Variants in KANSL1 observed in about 807,000 individuals in gnomAD.
KANSL1 encodes KAT8 regulatory NSL complex subunit 1.
KANSL1 carries 22 observed loss-of-function variants against 103.6 expected under a neutral mutation model. The ratio of observed to expected loss-of-function variants is 0.21; its 90% CI spans 0.15 to 0.30. The LOEUF is 0.30. Among genes scored for constraint, KANSL1 ranks in the 10% least tolerant of loss-of-function variants. The pLI is 1.00. For missense variants in KANSL1, 1,337 were observed against 1,399.8 expected (o/e 0.96, Z 0.72); for synonymous variants, 600 against 527.6 (o/e 1.14, Z -1.88).
intron 2 of KANSL1, among the ~76,000 whole-genome samples, chr17:46,112,254 G>A (rs1302125941): frequency 1.3e-5 from 2 of 150,178 alleles, no homozygotes; most frequent in South Asian, 2.1e-4. Flanking sequence ...TGTAGTCCTA[G>A]CTACTCAGGA....
chr17:46,109,268 T>C (rs1172430935), intron 2 of KANSL1, among the ~76,000 whole-genome samples: 1 of 152,118 alleles, frequency 6.6e-6, no homozygotes, highest in Non-Finnish European at 1.5e-5. Context: ...CATACACAAC[T>C]TGAATGGAAA....
intron 6 of KANSL1, among the ~76,000 whole-genome samples, chr17:46,059,058 A>AAAAG (rs201209467): frequency 1.3e-5 from 2 of 148,682 alleles, no homozygotes; most frequent in Non-Finnish European, 3.0e-5. Flanking sequence ...GAAAAAAAAA[A>AAAAG]AAAGAAAGAA....
At chr17:46,065,201 G>A (rs1227390596) in intron 6 of KANSL1, among the ~76,000 whole-genome samples, 2 of 151,044 alleles carry the variant, frequency 1.3e-5, no homozygotes, top group African/African-American at 4.9e-5. Flanking sequence ...ACTCCTGAAC[G>A]CAAGTGATCC....
At chr17:46,185,795 G>T (rs530078511) in intron 1 of KANSL1, among the ~76,000 whole-genome samples, 1 of 152,056 alleles carries the variant, frequency 6.6e-6, no homozygotes, top group East Asian at 1.9e-4. Context: ...GTCAAGGTGG[G>T]AGGACTGCTT....
At chr17:46,087,496 G>A (rs539096314) in intron 3 of KANSL1, among the ~76,000 whole-genome samples, 2 of 152,274 alleles carry the variant, frequency 1.3e-5, no homozygotes, top group African/African-American at 4.8e-5. Context: ...AAGGTAGTGT[G>A]AAAACACAGT....
intron 1 of KANSL1, among the ~76,000 whole-genome samples, chr17:46,175,014 T>G (rs1383431296): frequency 6.6e-6 from 1 of 152,226 alleles, no homozygotes; most frequent in East Asian, 1.9e-4. Context: ...AACAATTTAT[T>G]TGCTGTTCTC....
chr17:46,195,822 G>A (rs905721124), upstream of KANSL1, among the ~76,000 whole-genome samples: 1 of 152,238 alleles, frequency 6.6e-6, no homozygotes, highest in Non-Finnish European at 1.5e-5. Context: ...ACAGGCATGA[G>A]CCACCACACA....
chr17:46,060,080 C>T (rs2078105074), intron 6 of KANSL1, among the ~76,000 whole-genome samples: 2 of 152,158 alleles, frequency 1.3e-5, no homozygotes, highest in African/African-American at 2.4e-5. Flanking sequence ...TACTGCAATG[C>T]TATCAATTCT....
At chr17:46,135,459 C>T (rs1456728939) in intron 2 of KANSL1, among the ~76,000 whole-genome samples, 1 of 152,070 alleles carries the variant, frequency 6.6e-6, no homozygotes, top group African/African-American at 2.4e-5. Context: ...AACCAAGGAT[C>T]CACAGGTTTG....
At chr17:46,111,571 G>C (rs2042807429) in intron 2 of KANSL1, among the ~76,000 whole-genome samples, 1 of 152,166 alleles carries the variant, frequency 6.6e-6, no homozygotes, top group Admixed American at 6.5e-5. Context: ...TATACAACAA[G>C]TATAATCAAT....
chr17:46,085,604 C>T (rs2079135370), intron 3 of KANSL1, among the ~76,000 whole-genome samples: 2 of 152,226 alleles, frequency 1.3e-5, no homozygotes, highest in African/African-American at 4.8e-5. Context: ...ATCCTCCCAC[C>T]TCAACCCCAT....
At chr17:46,081,820 TAAATC>T (rs1296780206) in intron 4 of KANSL1, among the ~76,000 whole-genome samples, 1 of 152,186 alleles carries the variant, frequency 6.6e-6, no homozygotes, top group East Asian at 1.9e-4. Context: ...TATGGAGACT[TAAATC>T]AAGAAATATG....
intron 2 of KANSL1, among the ~76,000 whole-genome samples, chr17:46,102,834 A>G (rs1383499026): frequency 6.6e-6 from 1 of 152,250 alleles, no homozygotes; most frequent in African/African-American, 2.4e-5. Context: ...TTAATGGGGC[A>G]GATAGATGTT....
At chr17:46,159,809 T>C (rs1199958474) in intron 2 of KANSL1, among the ~76,000 whole-genome samples, 3 of 151,744 alleles carry the variant, frequency 2.0e-5, no homozygotes, top group Non-Finnish European at 4.4e-5. Context: ...AATTTAGCCA[T>C]TTGATGGGGA....
chr17:46,171,961 T>C lies in KANSL1; in HGVS notation c.183A>G (p.Leu61=). 6.2e-7 allele frequency: 1 copy of C among 1,614,280 alleles called. No individual in the cohort carries two copies. Among genetic ancestry groups the C allele is most frequent in the Non-Finnish European group, 8.5e-7 (1 of 1,180,048 alleles). ...CCTTGGTAGGATTATTTCGGAAATC[T>C]AGGCTGGGATCCTCTGCAGCAATGG... The part of the protein sequence containing the change: ...RKAIAAEDPS[L]DFRNNPTKED... The change falls in exon 2 of 15, where the codon CTA becomes CTG. Residue 61 remains leucine (L), a synonymous_variant. Coordinates refer to ENST00000432791, the MANE Select transcript of KANSL1 (RefSeq NM_015443.4).
At chr17:46,200,927 C>A (rs2047784134) in intron 1 of KANSL1, among the ~76,000 whole-genome samples, 1 of 150,544 alleles carries the variant, frequency 6.6e-6, no homozygotes, top group Non-Finnish European at 1.5e-5. Context: ...TTTTTTGAGA[C>A]ACAGTCTCAC....
chr17:46,166,949 G>A (rs2046031704), intron 2 of KANSL1, among the ~76,000 whole-genome samples: 1 of 151,014 alleles, frequency 6.6e-6, no homozygotes, highest in Non-Finnish European at 1.5e-5. Context: ...ACAATGAAAT[G>A]TTTTATGAGG....
chr17:46,214,522 C>T (rs2148037706), intron 1 of KANSL1, among the ~76,000 whole-genome samples: 1 of 152,328 alleles, frequency 6.6e-6, no homozygotes, highest in South Asian at 2.1e-4. Context: ...GGCGTGGTGG[C>T]AGGCACCTGT....
At chr17:46,082,630 G>T in intron 3 of KANSL1, 88 bp from the exon 4 acceptor site, 3 of 657,562 alleles carry the variant, frequency 4.6e-6, no homozygotes. Context: ...AGGACTGTTG[G>T]TGTACTAGAG....
Sources: allele counts gnomAD v4.1 joint callset (sites outside exome capture counted in the v4.1 genomes callset), GRCh38; gene constraint gnomAD v4.1.1; transcripts MANE v1.5; gene names NCBI Gene and HGNC (gene_info 2026-07-23, HGNC 2026-07-21).